Variants in RBM6 observed in about 807,000 individuals in gnomAD.
RBM6 encodes the protein RNA binding motif protein 6.
A neutral mutation model predicts 140.4 loss-of-function variants in RBM6; 23 were observed. That is an observed-to-expected ratio of 0.16 (90% confidence interval 0.12 to 0.23). The LOEUF is 0.23. Among genes scored for constraint, RBM6 ranks in the 10% least tolerant of loss-of-function variants. The probability of loss-of-function intolerance (pLI) is 1.00; values close to 1 mark genes in which losing one functional copy is unlikely to be tolerated. For missense variants in RBM6, 1,139 were observed against 1,386.7 expected, an observed-to-expected ratio of 0.82 and a Z score of 2.84; for synonymous variants, 439 against 475.6, an observed-to-expected ratio of 0.92 and a Z score of 1.00.
At chr3:50,023,119 A>T (rs1315790966) in intron 6 of RBM6, among the ~76,000 whole-genome samples, 3 of 152,132 alleles carry the variant, frequency 2.0e-5, no homozygotes, top group Admixed American at 1.3e-4. Context: ...GATTTTTTTG[A>T]AAAGTTGAAA....
At chr3:49,944,047 G>A (rs1359022422) in intron 1 of RBM6, among the ~76,000 whole-genome samples, 1 of 152,046 alleles carries the variant, frequency 6.6e-6, no homozygotes, top group Non-Finnish European at 1.5e-5. Flanking sequence ...GTGCTACTTA[G>A]TAGTAGTAAG....
At chr3:49,955,289 A>T (rs577396836) in intron 1 of RBM6, among the ~76,000 whole-genome samples, 2 of 142,698 alleles carry the variant, frequency 1.4e-5, no homozygotes, top group African/African-American at 5.3e-5. Flanking sequence ...TCCTACCTCA[A>T]CCTCTGCAGT....
At chr3:50,054,527 A>G in intron 8 of RBM6, 132 bp downstream of exon 8, 2 of 786,394 alleles carry the variant, frequency 2.5e-6, no homozygotes, top group East Asian at 2.7e-5. Context: ...TTTTTTTGAG[A>G]TGGAGTCTCG....
chr3:50,010,924 A>AAAAAAT (rs2086814978), intron 6 of RBM6, among the ~76,000 whole-genome samples: 1 of 149,654 alleles, frequency 6.7e-6, no homozygotes. Flanking sequence ...AAAAAAAAAA[A>AAAAAAT]GTTTTTTTAG....
intron 1 of RBM6, among the ~76,000 whole-genome samples, chr3:49,948,615 G>A (rs2083594693): frequency 6.6e-6 from 1 of 151,622 alleles, no homozygotes; most frequent in African/African-American, 2.4e-5. Flanking sequence ...GGGAGGCTGA[G>A]GCAGGAGGAT....
chr3:49,975,507 C>A, intron 5 of RBM6, 115 bp downstream of exon 5: 1 of 882,096 alleles, frequency 1.1e-6, no homozygotes, highest in Non-Finnish European at 1.8e-6. Context: ...TTCCAGAAGC[C>A]TCCCGTTGGT....
chr3:50,019,936 A>G (rs1406969870), intron 6 of RBM6, among the ~76,000 whole-genome samples: 1 of 137,018 alleles, frequency 7.3e-6, no homozygotes. Flanking sequence ...TTTTTTTTTT[A>G]GATGCAGGGT....
In RBM6 at chr3:49,968,324, C is replaced by A; in HGVS notation, c.899C>A (p.Thr300Lys). Residue 300 changes from threonine (T) to lysine (K), a missense_variant, in exon 3 of 21, where the codon ACA becomes AAA. Thr to Lys is a moderately conservative substitution (Grantham distance 78). This residue lies in a region of RBM6 where 566 missense variants were observed against 612.7 expected (regional missense o/e 0.92). Coordinates refer to ENST00000266022, the MANE Select transcript of RBM6 (RefSeq NM_005777.3). Reference sequence around the variant, plus strand: ...ATTTTGGATTACATTCAGCCCTCTACACAAGATAGAGAACATTCTGGTATG... The same window carrying A: ...ATTTTGGATTACATTCAGCCCTCTAAACAAGATAGAGAACATTCTGGTATG... ...PNILDYIQPSTQDREHSGMNV... is the reference protein window; with the variant it reads ...PNILDYIQPSKQDREHSGMNV... The A allele has an allele frequency of 6.2e-7, 1 of 1,614,170 alleles. No homozygotes were observed. The highest frequency in any genetic ancestry group is 2.2e-5 in the East Asian group (1 of 44,886).
At chr3:50,069,075 G>A (rs181441665) in intron 18 of RBM6, among the ~76,000 whole-genome samples, 2 of 152,260 alleles carry the variant, frequency 1.3e-5, no homozygotes, top group East Asian at 1.9e-4. Context: ...GAATAGCGCT[G>A]CTGAAATAGC....
chr3:50,065,635 A>G (rs1003979301), intron 16 of RBM6: 10 of 456,926 alleles, frequency 2.2e-5, no homozygotes, highest in Non-Finnish European at 4.0e-5. Flanking sequence ...GAATGCAGGT[A>G]TATAACAATA....
At chr3:50,064,035 G>A (rs13097720) in intron 15 of RBM6, among the ~76,000 whole-genome samples, 33,154 of 151,716 alleles carry the variant, frequency 0.22, 3,916 homozygotes, top group Middle Eastern at 0.27. Flanking sequence ...CCAGGCTCAA[G>A]GGATTCTCCT....
intron 15 of RBM6, among the ~76,000 whole-genome samples, chr3:50,064,279 G>GGA (rs1341030993): frequency 6.6e-6 from 1 of 152,072 alleles, no homozygotes; most frequent in Non-Finnish European, 1.5e-5. Flanking sequence ...ACAGAAAAGA[G>GGA]GAGAGAGAGT....
chr3:50,060,486 G>A (rs1216740399), intron 11 of RBM6, among the ~76,000 whole-genome samples: 4 of 151,790 alleles, frequency 2.6e-5, no homozygotes, highest in African/African-American at 9.7e-5. Context: ...GGTGGCTCAC[G>A]CCTGTAATCT....
intron 6 of RBM6, among the ~76,000 whole-genome samples, 192 bp downstream of exon 6, chr3:49,999,705 A>G (rs951111197): frequency 3.9e-5 from 6 of 152,132 alleles, no homozygotes; most frequent in Non-Finnish European, 8.8e-5. Flanking sequence ...CTTAATGGGC[A>G]CAGAGTGCAT....
At chr3:50,032,846 A>G (rs2526750) in intron 6 of RBM6, among the ~76,000 whole-genome samples, 92,217 of 151,274 alleles carry the variant, frequency 0.61, 28,563 homozygotes, top group East Asian at 0.88. Context: ...TTAGCCGGGC[A>G]TGGTGGTGCA....
chr3:49,976,175 C>T (rs889493313), intron 5 of RBM6, among the ~76,000 whole-genome samples: 2 of 152,096 alleles, frequency 1.3e-5, no homozygotes, highest in Non-Finnish European at 2.9e-5. Context: ...CTTCACAGAA[C>T]TTAGAATTTC....
intron 2 of RBM6, among the ~76,000 whole-genome samples, chr3:49,964,688 AT>A (rs2084429139): frequency 6.6e-6 from 1 of 152,198 alleles, no homozygotes; most frequent in Non-Finnish European, 1.5e-5. Context: ...ATTTAAAAAT[AT>A]TTAGGTTGTA....
At chr3:50,026,795 C>T (rs2087852938) in intron 6 of RBM6, among the ~76,000 whole-genome samples, 1 of 151,422 alleles carries the variant, frequency 6.6e-6, no homozygotes, top group African/African-American at 2.4e-5. Context: ...CACCTGTAGT[C>T]CCAGCTATTG....
chr3:49,999,054 T>C lies in RBM6; in HGVS notation c.1484-386T>C, dbSNP rs3774732. ...CGGGATACCTTTTTTTTTTTTTTTT[T>C]CCAGATACTTTCTTGCTCTTGTCGA... On this transcript the variant is annotated intron_variant, in intron 5 of 20. Coordinates refer to ENST00000266022, the MANE Select transcript of RBM6 (RefSeq NM_005777.3). Among the ~76,000 whole-genome samples, 123 of 151,094 alleles carry C rather than the reference T, an allele frequency of 8.1e-4. 2 individuals carry two copies. The East Asian group carries it at 0.014, about 17-fold the overall frequency.
Sources: gnomAD v4.1 joint callset for allele counts (sites outside exome capture counted in the v4.1 genomes callset) on GRCh38, gnomAD v4.1.1 for gene constraint, gnomAD v4.1.1 regional missense constraint, MANE v1.5 for transcripts, NCBI Gene and HGNC (gene_info 2026-07-23, HGNC 2026-07-21) for gene names.